Variants in TNRC6A observed in about 807,000 individuals in gnomAD.
The protein encoded by TNRC6A is trinucleotide repeat-containing gene 6A protein.
TNRC6A carries 44 observed loss-of-function variants against 221.2 expected under a neutral mutation model. The ratio of observed to expected loss-of-function variants is 0.20; its 90% CI spans 0.16 to 0.26. TNRC6A has a LOEUF of 0.26. Ranked by LOEUF, TNRC6A falls within the 10% of genes least tolerant of loss-of-function variation. The probability of loss-of-function intolerance (pLI) is 1.00; values close to 1 mark genes in which losing one functional copy is unlikely to be tolerated. For missense variants in TNRC6A, 2,199 were observed against 2,404.4 expected (o/e 0.91, Z 1.79); for synonymous variants, 847 against 838.5 (o/e 1.01, Z -0.18).
intron 2 of TNRC6A, among the ~76,000 whole-genome samples, chr16:24,642,761 G>C (rs994414810): frequency 2.6e-5 from 4 of 152,010 alleles, no homozygotes; most frequent in African/African-American, 9.7e-5. Context: ...TGGAGGTTGC[G>C]GTGAGCTGAG....
At chr16:24,805,378 A>G in intron 14 of TNRC6A, 1 of 927,438 alleles carries the variant, frequency 1.1e-6, no homozygotes, top group Admixed American at 2.9e-5. Context: ...AGAGTAGGAC[A>G]AAAGCAAAGT....
rs1326333537 is a variant in TNRC6A at position 24,729,680 on chromosome 16, G to C, written c.-162G>C. 10 of 759,986 alleles carry C rather than the reference G, an allele frequency of 1.3e-5. No individual in the cohort carries two copies. Among genetic ancestry groups the C allele is most frequent in the South Asian group, 4.4e-5 (1 of 22,972 alleles). 47.1% of individuals were successfully genotyped at this position (759,986 alleles called of 1,614,324 possible). A position where few individuals can be genotyped will look rare whatever the true frequency, so the allele number is the denominator to read the frequency against. Reference sequence around the variant, plus strand: ...CCGGTCTGGGGCCTGCGGCGGCGGCGGTGTCGGCGGCGGCGGCGGCGGCGG... The same window carrying C: ...CCGGTCTGGGGCCTGCGGCGGCGGCCGTGTCGGCGGCGGCGGCGGCGGCGG... On this transcript the variant is annotated 5_prime_UTR_variant, in exon 1 of 25. Transcript: ENST00000395799.
chr16:24,790,440 G>A lies in TNRC6A; in HGVS notation c.1798G>A (p.Gly600Arg). 6.2e-7 allele frequency: 1 copy of A among 1,614,240 alleles called. No individual in the cohort carries two copies. The highest frequency in any genetic ancestry group is 8.5e-7 in the Non-Finnish European group (1 of 1,180,044). The stretch of plus-strand genomic sequence containing the variant: ...CGCAAATTCTGGAGGAAGTCGAAGA[G>A]GATGGGGAACCCCTGCACAAAACAC... ...NGANSGGSRRGWGTPAQNTGT... is the reference protein window; with the variant it reads ...NGANSGGSRRRWGTPAQNTGT... Residue 600 changes from glycine (G) to arginine (R), a missense_variant, in exon 6 of 25, where the codon GGA (glycine) becomes AGA (arginine). This residue lies in a region of TNRC6A where 1,405 missense variants were observed against 1,400.2 expected (regional missense o/e 1.00). Coordinates refer to ENST00000395799, the MANE Select transcript of TNRC6A (RefSeq NM_014494.4).
At chr16:24,706,989 GTAT>G (rs2056108477) in intron 2 of TNRC6A, among the ~76,000 whole-genome samples, 1 of 130,250 alleles carries the variant, frequency 7.7e-6, no homozygotes, top group Non-Finnish European at 1.8e-5. Flanking sequence ...TTTTATTTAT[GTAT>G]TTATTTATTT....
intron 1 of TNRC6A, among the ~76,000 whole-genome samples, chr16:24,613,870 T>C (rs1449718580): frequency 6.6e-6 from 1 of 152,142 alleles, no homozygotes; most frequent in Non-Finnish European, 1.5e-5. Flanking sequence ...GGAGCATACT[T>C]GGATTTGCAA....
intron 5 of TNRC6A, among the ~76,000 whole-genome samples, chr16:24,780,279 A>G (rs1345633096): frequency 1.3e-5 from 2 of 152,186 alleles, no homozygotes; most frequent in Non-Finnish European, 2.9e-5. Flanking sequence ...TCTCTCTCAT[A>G]TATGCATGCA....
chr16:24,659,073 T>A (rs1485930083), intron 2 of TNRC6A, among the ~76,000 whole-genome samples: 1 of 146,990 alleles, frequency 6.8e-6, no homozygotes, highest in Non-Finnish European at 1.5e-5. Flanking sequence ...TCTCCCAAAG[T>A]GCTGGGATTA....
rs551689737 is a variant in TNRC6A at position 24,824,706 on chromosome 16, T to C, written c.*899T>C. 1 of 152,584 alleles carries C rather than the reference T, an allele frequency of 6.6e-6. No homozygotes were observed. Among genetic ancestry groups the C allele is most frequent in the Admixed American group, 6.5e-5 (1 of 15,290 alleles). The allele number at this position is 152,584 out of a possible 1,614,324, so 9.5% of individuals were successfully genotyped here. On this transcript the variant is annotated 3_prime_UTR_variant, in exon 25 of 25. Coordinates refer to ENST00000395799, the MANE Select transcript of TNRC6A (RefSeq NM_014494.4). ...AGGAGCAGCATTTGGCCATGTTCTTTTGTTTTTCTATTCCTGTCCCAAATC... is the reference window on the plus strand; with the variant it reads ...AGGAGCAGCATTTGGCCATGTTCTTCTGTTTTTCTATTCCTGTCCCAAATC...
Position 24,774,057 on chromosome 16 carries a change from T to A in TNRC6A, c.164-2876T>A, listed in dbSNP as rs569959929. On this transcript the variant is annotated intron_variant, in intron 4 of 24. Transcript: ENST00000395799. The stretch of plus-strand genomic sequence containing the variant: ...CATTAACCAGAATTTTGAAATTTTT[T>A]AAAATTCCATTTTCCATGTCCGTTG... Among the ~76,000 whole-genome samples the A allele has an allele frequency of 2.0e-5, 3 of 152,330 alleles. No individual in the cohort carries two copies. The South Asian group carries it at 6.2e-4, about 32-fold the overall frequency.
intron 2 of TNRC6A, among the ~76,000 whole-genome samples, chr16:24,710,536 G>T (rs73566470): frequency 0.078 from 11,922 of 152,146 alleles, 1,122 homozygotes; most frequent in East Asian, 0.35. Flanking sequence ...GACAGGAGCA[G>T]CACAGGGCTA....
chr16:24,771,582 TTGTTA>T lies in TNRC6A; in HGVS notation c.164-5309_164-5305del, dbSNP rs10625690. Reference sequence around the variant, plus strand: ...ATGTTTTATGTTATGTTATGTTATGTTGTTATGTTATGTTATGTTATGTTATGTTA... The same window carrying T: ...ATGTTTTATGTTATGTTATGTTATGTTGTTATGTTATGTTATGTTATGTTA... On this transcript the variant is annotated intron_variant, in intron 4 of 24. Coordinates refer to ENST00000395799, the MANE Select transcript of TNRC6A (RefSeq NM_014494.4). Among the ~76,000 whole-genome samples the T allele has an allele frequency of 4.5e-3, 426 of 95,300 alleles. 8 individuals are homozygous for T. The highest frequency in any genetic ancestry group is 0.014 in the South Asian group (41 of 2,914). The allele number at this position is 95,300 out of a possible 152,430, so 62.5% of individuals were successfully genotyped here.
intron 2 of TNRC6A, among the ~76,000 whole-genome samples, chr16:24,651,200 A>G (rs1419512886): frequency 6.6e-6 from 1 of 151,932 alleles, no homozygotes; most frequent in Non-Finnish European, 1.5e-5. Flanking sequence ...AAAAAAAAAA[A>G]AATTGTGGTG....
intron 11 of TNRC6A, among the ~76,000 whole-genome samples, chr16:24,798,738 G>C (rs1405880473): frequency 6.6e-6 from 1 of 152,186 alleles, no homozygotes; most frequent in Non-Finnish European, 1.5e-5. Context: ...GAGGGAGAGA[G>C]TGTGATGGAA....
chr16:24,735,163 TC>T (rs1370103415), intron 2 of TNRC6A, among the ~76,000 whole-genome samples: 4 of 152,214 alleles, frequency 2.6e-5, no homozygotes, highest in Non-Finnish European at 5.9e-5. Context: ...GTGCCTGTAA[TC>T]CCAGCTACTT....
At chr16:24,656,797 C>A (rs1320593939) in intron 2 of TNRC6A, among the ~76,000 whole-genome samples, 1 of 152,024 alleles carries the variant, frequency 6.6e-6, no homozygotes, top group Non-Finnish European at 1.5e-5. Flanking sequence ...ATGTAAACAA[C>A]CCTGTAATCA....
chr16:24,646,911 A>G (rs889669787), intron 2 of TNRC6A, among the ~76,000 whole-genome samples: 4 of 152,096 alleles, frequency 2.6e-5, no homozygotes, highest in Non-Finnish European at 5.9e-5. Flanking sequence ...CACTTTCTGT[A>G]AAATCTTTAT....
At chr16:24,620,701 G>A (rs566674306) in intron 1 of TNRC6A, among the ~76,000 whole-genome samples, 4 of 152,208 alleles carry the variant, frequency 2.6e-5, no homozygotes, top group South Asian at 2.1e-4. Context: ...CCAGCTACTC[G>A]GGAGGCTGAG....
chr16:24,803,684 G>A (rs1454765420), intron 11 of TNRC6A: 1 of 153,374 alleles, frequency 6.5e-6, no homozygotes, highest in Admixed American at 6.5e-5. Flanking sequence ...CGGATCACTT[G>A]AGGTCAGGAG....
At position 24,823,359 on chromosome 16, in the gene TNRC6A, A is replaced by C. The variant is rs752877026; in HGVS notation, c.5514-73A>C. ...GGCTTTTCTAGCAGAGACAAGTTGC[A>C]CCCTCACTTGTGAGTGAATGAAGCC... On this transcript the variant is annotated intron_variant, in intron 24 of 24. Coordinates refer to ENST00000395799, the MANE Select transcript of TNRC6A (RefSeq NM_014494.4). The surrounding 1 kb of genome is among the most constrained non-coding windows in gnomAD (Gnocchi z 4.3). 1.8e-5 allele frequency: 27 copies of C among 1,513,208 alleles called. No homozygotes were observed. The highest frequency in any genetic ancestry group is 2.4e-5 in the Non-Finnish European group (27 of 1,125,098). The allele number at this position is 1,513,208 out of a possible 1,614,324, so 93.7% of individuals were successfully genotyped here.
Sources: allele counts gnomAD v4.1 joint callset (sites outside exome capture counted in the v4.1 genomes callset), GRCh38; gene constraint gnomAD v4.1.1; regional missense constraint gnomAD v4.1.1; non-coding constraint Gnocchi (gnomAD v3.1); transcripts MANE v1.5; gene names NCBI Gene and HGNC (gene_info 2026-07-23, HGNC 2026-07-21).